Variants in VWCE observed in about 807,000 individuals in gnomAD.
VWCE encodes von Willebrand factor C and EGF domains.
Under a neutral mutation model 102.9 loss-of-function variants are expected in VWCE, and 68 were observed. The observed-to-expected ratio is 0.66, with a 90% CI of 0.54 to 0.81. VWCE has a LOEUF of 0.81. Ranked by LOEUF, VWCE falls within the 30% of genes least tolerant of loss-of-function variation. The pLI is 0.00. For missense variants in VWCE, 1,137 were observed against 1,263.6 expected, an observed-to-expected ratio of 0.90 and a Z score of 1.52; for synonymous variants, 497 against 515.4, an observed-to-expected ratio of 0.96 and a Z score of 0.48.
At chr11:61,288,851 T>TG (rs1565230930) in intron 4 of VWCE, among the ~76,000 whole-genome samples, 3 of 151,536 alleles carry the variant, frequency 2.0e-5, no homozygotes. Context: ...TTTTTTTTTT[T>TG]TTTTTGAGAC....
chr11:61,281,153 C>G lies in VWCE; in HGVS notation c.870G>C (p.Glu290Asp). Reference sequence around the variant, plus strand: ...CTGGGGACAGGGCAGGCCGGCCGGCCTCAGGAAGCAACAGAAGCATCTTGG... The same window carrying G: ...CTGGGGACAGGGCAGGCCGGCCGGCGTCAGGAAGCAACAGAAGCATCTTGG... The part of the protein sequence containing the change: ...HPSKMLLLLP[E>D]AGRPALSPGH... The change falls in exon 8 of 20, where the codon GAG becomes GAC. Residue 290 changes from glutamate (E) to aspartate (D), a missense_variant. This residue lies in a region of VWCE where 575 missense variants were observed against 625.9 expected (regional missense o/e 0.92). Transcript: ENST00000335613. The G allele has an allele frequency of 6.2e-7, 1 of 1,613,732 alleles. No homozygotes were observed. Among genetic ancestry groups the G allele is most frequent in the Non-Finnish European group, 8.5e-7 (1 of 1,180,012 alleles).
intron 15 of VWCE, 46 bp from the exon 16 acceptor site, chr11:61,267,590 C>A (rs1038866189): frequency 6.3e-7 from 1 of 1,593,890 alleles, no homozygotes; most frequent in African/African-American, 1.3e-5. Flanking sequence ...AGTGGCCAGG[C>A]ACCAGGCTTC....
In VWCE at chr11:61,280,960, T is replaced by C; in HGVS notation, c.1063A>G (p.Arg355Gly). The change falls in exon 8 of 20, where the codon AGA becomes GGA. Residue 355 changes from arginine to glycine, a missense_variant. This residue lies in a region of VWCE where 575 missense variants were observed against 625.9 expected (regional missense o/e 0.92). Transcript: ENST00000335613. The stretch of plus-strand genomic sequence containing the variant: ...TCCCCCTGAAGGAGTGAGGGGGGTC[T>C]GAGGTTCCCCAGCAGGGAGGCAGTA... ...VPTASLLGNL[R>G]PPSLLQGEVM... 1 of 1,534,728 alleles carries C rather than the reference T, an allele frequency of 6.5e-7. No individual in the cohort carries two copies. Among genetic ancestry groups the C allele is most frequent in the Admixed American group, 2.1e-5 (1 of 47,600 alleles).
rs373369778 is a variant in VWCE at position 61,258,671 on chromosome 11, C to A, written c.*4G>T. The stretch of plus-strand genomic sequence containing the variant: ...TCCAGAGTCTCCCGGACACAGTGAC[C>A]TCCTTACATGGTGGACTCTTCCCCC... On this transcript the variant is annotated 3_prime_UTR_variant, in exon 20 of 20. Transcript: ENST00000335613. 3.8e-5 allele frequency: 52 copies of A among 1,375,710 alleles called. No individual in the cohort carries two copies. Among genetic ancestry groups the A allele is most frequent in the Non-Finnish European group, 4.8e-5 (51 of 1,060,266 alleles). The allele number at this position is 1,375,710 out of a possible 1,614,324, so 85.2% of individuals were successfully genotyped here.
intron 14 of VWCE, chr11:61,271,445 A>C (rs1854694671): frequency 1.1e-5 from 5 of 437,382 alleles, no homozygotes; most frequent in Non-Finnish European, 2.1e-5. Flanking sequence ...GCACCTGGCC[A>C]ACAATACACA....
In VWCE at chr11:61,258,823, C is replaced by T; in HGVS notation, c.2720G>A (p.Ser907Asn). 6.6e-7 allele frequency: 1 copy of T among 1,509,106 alleles called. No homozygotes were observed. Among genetic ancestry groups the T allele is most frequent in the Non-Finnish European group, 8.8e-7 (1 of 1,130,750 alleles). The allele number at this position is 1,509,106 out of a possible 1,614,324, so 93.5% of individuals were successfully genotyped here. ...EASALSMMDP[S>N]PSKTPITLLG... ...GAGGGTGATGGGGGTCTTCGAGGGG[C>T]TGGGGTCCATCATGGAAAGTGCTGA... The change falls in exon 20 of 20, where the codon AGC (serine) becomes AAC (asparagine). Residue 907 changes from serine to asparagine, a missense_variant. By Grantham distance (46) the Ser-to-Asn change is conservative. This residue lies in a region of VWCE where 316 missense variants were observed against 319.3 expected (regional missense o/e 0.99). Coordinates refer to ENST00000335613, the MANE Select transcript of VWCE (RefSeq NM_152718.2).
intron 9 of VWCE, 51 bp downstream of exon 9, chr11:61,280,573 G>A (rs1385770855): frequency 6.3e-7 from 1 of 1,580,338 alleles, no homozygotes; most frequent in Admixed American, 1.7e-5. Context: ...GCAGGAGGGT[G>A]CAGAGAAAGG....
At chr11:61,263,898 A>G (rs1854428401) in intron 19 of VWCE, among the ~76,000 whole-genome samples, 1 of 152,162 alleles carries the variant, frequency 6.6e-6, no homozygotes, top group Non-Finnish European at 1.5e-5. Flanking sequence ...AGAAGAAAGC[A>G]TAGGAAGAGG....
intron 5 of VWCE, 181 bp downstream of exon 5, chr11:61,286,133 C>CA: frequency 1.5e-6 from 1 of 681,702 alleles, no homozygotes; most frequent in East Asian, 2.5e-5. Context: ...TGGCCTTGGG[C>CA]AAGCCTCAGT....
At chr11:61,266,636 G>A (rs960157527) in intron 16 of VWCE, among the ~76,000 whole-genome samples, 1 of 152,220 alleles carries the variant, frequency 6.6e-6, no homozygotes, top group African/African-American at 2.4e-5. Flanking sequence ...TATGACCCAG[G>A]AGAAGAAATA....
rs775520666 is a variant in VWCE at position 61,264,593 on chromosome 11, G to A, written c.2140-16C>T. 1.9e-6 allele frequency: 3 copies of A among 1,597,550 alleles called. No individual in the cohort carries two copies. The highest frequency in any genetic ancestry group is 2.3e-5 in the East Asian group (1 of 44,392). On this transcript the variant is annotated splice_polypyrimidine_tract_variant and intron_variant, in intron 18 of 19. Transcript: ENST00000335613. ...CCTCTCCCAGCTGGGGAAGCAGAAGGAACCCCATGAGGAAGCCCAGAGCAT... is the reference window on the plus strand; with the variant it reads ...CCTCTCCCAGCTGGGGAAGCAGAAGAAACCCCATGAGGAAGCCCAGAGCAT...
At chr11:61,261,442 TA>T (rs56868097) in intron 19 of VWCE, among the ~76,000 whole-genome samples, 22,119 of 151,818 alleles carry the variant, frequency 0.15, 4,793 homozygotes, top group African/African-American at 0.47. Flanking sequence ...GTTATACTTT[TA>T]AAAAAATCAT....
intron 6 of VWCE, among the ~76,000 whole-genome samples, chr11:61,282,137 A>T (rs2134820425): frequency 6.6e-6 from 1 of 152,286 alleles, no homozygotes; most frequent in African/African-American, 2.4e-5. Flanking sequence ...ATTTAATGCG[A>T]GTATCAGAGA....
chr11:61,281,361 T>C (rs1487462232), intron 7 of VWCE, 126 bp from the exon 8 acceptor site: 5 of 1,155,898 alleles, frequency 4.3e-6, no homozygotes, highest in Non-Finnish European at 6.1e-6. Context: ...CGCAACATTC[T>C]ACTATGTTTA....
intron 11 of VWCE, among the ~76,000 whole-genome samples, 155 bp downstream of exon 11, chr11:61,276,438 C>G (rs12272389): frequency 0.062 from 9,403 of 150,802 alleles, 889 homozygotes; most frequent in African/African-American, 0.21. Flanking sequence ...AAATGCAAAA[C>G]TGGGCTTGGG....
At chr11:61,284,562 T>C (rs1049887565) in intron 5 of VWCE, among the ~76,000 whole-genome samples, 3 of 152,122 alleles carry the variant, frequency 2.0e-5, no homozygotes, top group African/African-American at 7.2e-5. Context: ...ATTTGGAAGA[T>C]ATGCAGGTAA....
intron 5 of VWCE, among the ~76,000 whole-genome samples, chr11:61,285,827 C>T (rs1952143202): frequency 6.6e-6 from 1 of 152,216 alleles, no homozygotes; most frequent in Middle Eastern, 3.2e-3. Flanking sequence ...AATTTCGGCT[C>T]ACTGCAACCT....
chr11:61,284,707 G>A (rs1317855309), intron 5 of VWCE, among the ~76,000 whole-genome samples: 1 of 152,136 alleles, frequency 6.6e-6, no homozygotes, highest in Non-Finnish European at 1.5e-5. Flanking sequence ...CAGCACTTCA[G>A]GAGGCCAAGG....
In VWCE at chr11:61,258,832, A is replaced by C. The variant is rs780444215; in HGVS notation, c.2711T>G (p.Met904Arg). Reference protein sequence around the residue: ...LLTEASALSMMDPSPSKTPIT... With the variant: ...LLTEASALSMRDPSPSKTPIT... ...GGGGGTCTTCGAGGGGCTGGGGTCCATCATGGAAAGTGCTGAAGCTTCCGT... is the reference window on the plus strand; with the variant it reads ...GGGGGTCTTCGAGGGGCTGGGGTCCCTCATGGAAAGTGCTGAAGCTTCCGT... Residue 904 changes from methionine to arginine, a missense_variant, in exon 20 of 20, where the codon ATG becomes AGG. Met to Arg is a moderately conservative substitution (Grantham distance 91, BLOSUM62 -1). Around this residue, in one of 5 missense-constraint regions of VWCE, gnomAD observed 316 missense variants for 319.3 expected, o/e 0.99. Transcript: ENST00000335613. The C allele has an allele frequency of 6.6e-7, 1 of 1,514,820 alleles. No homozygotes were observed. Among genetic ancestry groups the C allele is most frequent in the Non-Finnish European group, 8.8e-7 (1 of 1,134,040 alleles). The allele number at this position is 1,514,820 out of a possible 1,614,324, so 93.8% of individuals were successfully genotyped here. A position where few individuals can be genotyped will look rare whatever the true frequency, so the allele number is the denominator to read the frequency against.
Sources: gnomAD v4.1 joint callset for allele counts (sites outside exome capture counted in the v4.1 genomes callset) on GRCh38, gnomAD v4.1.1 for gene constraint, gnomAD v4.1.1 regional missense constraint, MANE v1.5 for transcripts, NCBI Gene and HGNC (gene_info 2026-07-23, HGNC 2026-07-21) for gene names.